Variants in ZAN observed in about 807,000 individuals in gnomAD.
ZAN encodes the protein zonadhesin (gene/pseudogene).
In ZAN, 260 loss-of-function variants were observed where a neutral mutation model predicts 286.2. The ratio of observed to expected loss-of-function variants is 0.91; its 90% CI spans 0.82 to 1.01. ZAN has a LOEUF of 1.01. Among genes scored for constraint, ZAN ranks in the 50% least tolerant of loss-of-function variants. The pLI is 0.00. For missense variants in ZAN, 3,410 were observed against 3,639.2 expected (o/e 0.94, Z 1.62); for synonymous variants, 1,368 against 1,417.5 (o/e 0.97, Z 0.79).
chr7:100,735,549 G>C lies in ZAN; in HGVS notation c.54-171G>C, dbSNP rs540618002. On this transcript the variant is annotated intron_variant, in intron 2 of 47. Coordinates refer to ENST00000613979, the MANE Select transcript of ZAN (RefSeq NM_003386.3). ...ATCACTGCACTCTAGCCTGGGTGCCGGAAAAAAAAAAAAAGAAAAGAAAAA... is the reference window on the plus strand; with the variant it reads ...ATCACTGCACTCTAGCCTGGGTGCCCGAAAAAAAAAAAAAGAAAAGAAAAA... Among the ~76,000 whole-genome samples, 5 of 122,634 alleles carry C rather than the reference G, an allele frequency of 4.1e-5. 1 individual carries two copies. Among genetic ancestry groups the C allele is most frequent in the Non-Finnish European group, 8.6e-5 (5 of 58,412 alleles). The allele number at this position is 122,634 out of a possible 152,430, so 80.5% of individuals were successfully genotyped here.
chr7:100,747,657 G>C lies in ZAN; in HGVS notation c.1023+16G>C, dbSNP rs757318120. On this transcript the variant is annotated intron_variant, in intron 9 of 47. Transcript: ENST00000613979. ...ACGGATACAGGTACAGAGAAGCAAG[G>C]GGTCAGGTCCTTGCACATGGTAGGC... The C allele has an allele frequency of 6.2e-7, 1 of 1,611,072 alleles. No homozygotes were observed. Among genetic ancestry groups the C allele is most frequent in the Non-Finnish European group, 8.5e-7 (1 of 1,177,460 alleles).
chr7:100,749,369 A>G (rs75663191), intron 11 of ZAN, among the ~76,000 whole-genome samples: 3,552 of 150,836 alleles, frequency 0.024, 44 homozygotes, highest in Non-Finnish European at 0.037. Context: ...GGCTGGGCGC[A>G]GTGGCTCACA....
rs1186697684 is a variant in ZAN at position 100,769,907 on chromosome 7, C to T, written c.5181C>T (p.Ser1727=). The change falls in exon 28 of 48, where the codon TCC becomes TCT. Residue 1727 remains serine (S), a synonymous_variant. Transcript: ENST00000613979. Reference sequence around the variant, plus strand: ...GTTTCCTTGTGGGTGGCAAGCCCTCCAGCTGCCAGGAGAACAGCATGGCAG... The same window carrying T: ...GTTTCCTTGTGGGTGGCAAGCCCTCTAGCTGCCAGGAGAACAGCATGGCAG... ...PGCFLVGGKP[S]SCQENSMADA... is the part of the protein sequence containing the mutation. 1.9e-6 allele frequency: 3 copies of T among 1,561,690 alleles called. No individual in the cohort carries two copies.
intron 35 of ZAN, among the ~76,000 whole-genome samples, chr7:100,782,685 G>T (rs199771741): frequency 5.2e-4 from 27 of 51,892 alleles, no homozygotes; most frequent in South Asian, 3.6e-3. Context: ...TTTTTTTTGT[G>T]TGTGTGTGTG....
At chr7:100,759,941 A>G (rs372183497) in intron 18 of ZAN, 96 bp downstream of exon 18, 2 of 1,478,340 alleles carry the variant, frequency 1.4e-6, no homozygotes, top group Non-Finnish European at 1.8e-6. Flanking sequence ...ATGGGGTTCA[A>G]CAAGACAGTG....
chr7:100,786,192 C>A, intron 37 of ZAN, 51 bp downstream of exon 37: 2 of 1,605,948 alleles, frequency 1.2e-6, no homozygotes, highest in Non-Finnish European at 1.7e-6. Context: ...GTGGCCAGGG[C>A]GGAGGTGGAG....
intron 15 of ZAN, among the ~76,000 whole-genome samples, chr7:100,755,730 C>A (rs1809100961): frequency 6.6e-6 from 1 of 152,072 alleles, no homozygotes; most frequent in South Asian, 2.1e-4. Flanking sequence ...TGCCACCATG[C>A]CCAGCTAATT....
At chr7:100,768,085 C>A in intron 26 of ZAN, 74 bp downstream of exon 26, 1 of 1,505,724 alleles carries the variant, frequency 6.6e-7, no homozygotes, top group Non-Finnish European at 8.9e-7. Flanking sequence ...GCTCCCCCAA[C>A]ATCTCTGTGA....
At chr7:100,795,629 G>A (rs1028925331) in intron 45 of ZAN, among the ~76,000 whole-genome samples, 3 of 151,720 alleles carry the variant, frequency 2.0e-5, no homozygotes, top group South Asian at 2.1e-4. Context: ...AGTCCTGGCC[G>A]GGAATGGTGG....
In ZAN at chr7:100,734,208, G is replaced by A; in HGVS notation, c.40G>A (p.Ala14Thr). 6.9e-7 allele frequency: 1 copy of A among 1,453,716 alleles called. No individual in the cohort carries two copies. Among genetic ancestry groups the A allele is most frequent in the Admixed American group, 2.1e-5 (1 of 47,658 alleles). The allele number at this position is 1,453,716 out of a possible 1,614,324, so 90.1% of individuals were successfully genotyped here. A position where few individuals can be genotyped will look rare whatever the true frequency, so the allele number is the denominator to read the frequency against. Residue 14 changes from alanine to threonine, a missense_variant, in exon 2 of 48, where the codon GCT becomes ACT. Around this residue, in one of 7 missense-constraint regions of ZAN, gnomAD observed 872 missense variants for 938.9 expected, o/e 0.93. Transcript: ENST00000613979. Reference sequence around the variant, plus strand: ...CTGGACTCTGCTGCTTCTGGTGGGGGCTGCCCTTTTCAGGTAAGCTGGGCC... The same window carrying A: ...CTGGACTCTGCTGCTTCTGGTGGGGACTGCCCTTTTCAGGTAAGCTGGGCC... ...PVWTLLLLVG[A>T]ALFRKEKPPD...
At chr7:100,767,518 C>G (rs963910794) in intron 25 of ZAN, among the ~76,000 whole-genome samples, 1 of 146,986 alleles carries the variant, frequency 6.8e-6, no homozygotes, top group African/African-American at 2.5e-5. Context: ...CTCTATCACC[C>G]AGGCTGGAGT....
In ZAN at chr7:100,750,837, C is replaced by A. The variant is rs563263050; in HGVS notation, c.1462C>A (p.Arg488Ser). The change falls in exon 12 of 48, where the codon CGC becomes AGC. Residue 488 changes from arginine (R) to serine (S), a missense_variant. Arg to Ser is a moderately radical substitution (Grantham distance 110, BLOSUM62 -1). This residue lies in a region of ZAN where 872 missense variants were observed against 938.9 expected (regional missense o/e 0.93). Coordinates refer to ENST00000613979, the MANE Select transcript of ZAN (RefSeq NM_003386.3). ...TCTCTGGAAACGCGTGGGGTCTCAGCGCCCTTACTGGCAGAACACCTCCGT... is the reference window on the plus strand; with the variant it reads ...TCTCTGGAAACGCGTGGGGTCTCAGAGCCCTTACTGGCAGAACACCTCCGT... ...IPLWKRVGSQ[R>S]PYWQNTSVTV... 1.3e-6 allele frequency: 2 copies of A among 1,593,456 alleles called. No homozygotes were observed. The highest frequency in any genetic ancestry group is 1.1e-5 in the South Asian group (1 of 87,484).
At chr7:100,777,032 C>A in intron 34 of ZAN, among the ~76,000 whole-genome samples, 1 of 136,320 alleles carries the variant, frequency 7.3e-6, no homozygotes, top group East Asian at 3.2e-4. Context: ...GCGCCCGGCC[C>A]CTCTCCTTTC....
At chr7:100,737,220 C>T (rs1024922051) in intron 5 of ZAN, 42 bp from the exon 6 acceptor site, 2 of 1,425,124 alleles carry the variant, frequency 1.4e-6, no homozygotes, top group East Asian at 2.4e-5. Context: ...GGAGGCCTGG[C>T]TGAGGGGCTC....
In ZAN at chr7:100,758,336, C is replaced by A. The variant is rs2115925728; in HGVS notation, c.3444C>A (p.His1148Gln). 6.2e-7 allele frequency: 1 copy of A among 1,612,338 alleles called. No individual in the cohort carries two copies. The highest frequency in any genetic ancestry group is 1.3e-5 in the African/African-American group (1 of 75,044). Residue 1148 changes from histidine to glutamine, a missense_variant, in exon 16 of 48, where the codon CAC (histidine) becomes CAA (glutamine). Physicochemically the swap from His to Gln is conservative, Grantham distance 24. This residue lies in a region of ZAN where 1,042 missense variants were observed against 1,058.0 expected (regional missense o/e 0.98). Coordinates refer to ENST00000613979, the MANE Select transcript of ZAN (RefSeq NM_003386.3). Reference protein sequence around the residue: ...CQLKNGQYGCHPYAGTATCLV... With the variant: ...CQLKNGQYGCQPYAGTATCLV... ...TTAAGAATGGCCAGTATGGATGCCA[C>A]CCCTACGGTGAGAGCCCCTCCCCAT...
At position 100,779,573 on chromosome 7, in the gene ZAN, G is replaced by A. The variant is rs1562949569; in HGVS notation, c.6445G>A (p.Val2149Met). The change falls in exon 35 of 48, where the codon GTG (valine) becomes ATG (methionine). Residue 2149 changes from valine to methionine, a missense_variant. Transcript: ENST00000613979. ...GTGCGAGGCAGCGCTCCGGGCTCCT[G>A]TGTGGGCCCAGTGCGCCTCCCGCAT... Reference protein sequence around the residue: ...EKCEAALRAPVWAQCASRIDL... With the variant: ...EKCEAALRAPMWAQCASRIDL... 1 of 1,610,456 alleles carries A rather than the reference G, an allele frequency of 6.2e-7. No individual in the cohort carries two copies. The highest frequency in any genetic ancestry group is 1.3e-5 in the African/African-American group (1 of 74,908).
intron 44 of ZAN, 48 bp from the exon 45 acceptor site, chr7:100,795,148 G>A: frequency 2.5e-6 from 4 of 1,571,946 alleles, no homozygotes; most frequent in Non-Finnish European, 3.5e-6. Context: ...CCTCAGCTGG[G>A]AGTGTCCTCC....
chr7:100,779,380 G>GA (rs912589293), intron 34 of ZAN, 66 bp from the exon 35 acceptor site: 100 of 1,448,044 alleles, frequency 6.9e-5, no homozygotes, highest in Admixed American at 1.6e-4. Context: ...TCCCCCTAAA[G>GA]AAAAAAAAAT....
rs756846174 is a variant in ZAN, at chr7:100,751,814, C to T, written c.1709C>T (p.Pro570Leu). The T allele has an allele frequency of 1.2e-6, 2 of 1,613,700 alleles. No homozygotes were observed. The highest frequency in any genetic ancestry group is 2.2e-5 in the East Asian group (1 of 44,890). Residue 570 changes from proline (P) to leucine (L), a missense_variant, in exon 14 of 48, where the codon CCT (proline) becomes CTT (leucine). This residue lies in a region of ZAN where 872 missense variants were observed against 938.9 expected (regional missense o/e 0.93). Coordinates refer to ENST00000613979, the MANE Select transcript of ZAN (RefSeq NM_003386.3). ...TENPTISTKK[P>L]TVSIEKPSVT... Reference sequence around the variant, plus strand: ...AACCCTACAATCTCCACCAAGAAACCTACAGTTTCCATAGAAAAACCCAGT... The same window carrying T: ...AACCCTACAATCTCCACCAAGAAACTTACAGTTTCCATAGAAAAACCCAGT...
Sources: gnomAD v4.1 joint callset for allele counts (sites outside exome capture counted in the v4.1 genomes callset) on GRCh38, gnomAD v4.1.1 for gene constraint, gnomAD v4.1.1 regional missense constraint, MANE v1.5 for transcripts, NCBI Gene and HGNC (gene_info 2026-07-23, HGNC 2026-07-21) for gene names.